Variants in MECOM observed in about 807,000 individuals in gnomAD.
MECOM encodes the protein MDS1 and EVI1 complex locus.
Under a neutral mutation model 116.3 loss-of-function variants are expected in MECOM, and 13 were observed. That is an observed-to-expected ratio of 0.11 (90% CI 0.07 to 0.18). The LOEUF is 0.18. MECOM is among the 10% of genes least tolerant of loss of function. The pLI, the probability that MECOM is intolerant of heterozygous loss-of-function variation, is 1.00. For synonymous variants in MECOM, 528 were observed against 535.2 expected (o/e 0.99, Z 0.19); for missense variants, 1,299 against 1,509.0 (o/e 0.86, Z 2.31).
chr3:169,425,933 C>A (rs1423780647), intron 1 of MECOM, among the ~76,000 whole-genome samples: 1 of 151,890 alleles, frequency 6.6e-6, no homozygotes. Flanking sequence ...GTAACAGGAT[C>A]TATACAGAAG....
At chr3:169,660,139 G>A (rs957418555) in intron 1 of MECOM, among the ~76,000 whole-genome samples, 2 of 152,150 alleles carry the variant, frequency 1.3e-5, no homozygotes, top group Non-Finnish European at 2.9e-5. Flanking sequence ...CAGGACCATA[G>A]CAACTGGCAT....
At chr3:169,243,615 C>T (rs563378728) in intron 2 of MECOM, among the ~76,000 whole-genome samples, 1 of 152,006 alleles carries the variant, frequency 6.6e-6, no homozygotes, top group African/African-American at 2.4e-5. Context: ...ATTTAATTGA[C>T]CAAAAAAATC....
chr3:169,210,736 C>T (rs1235462036), intron 2 of MECOM, among the ~76,000 whole-genome samples: 1 of 152,122 alleles, frequency 6.6e-6, no homozygotes, highest in African/African-American at 2.4e-5. Flanking sequence ...TTCCACCTCC[C>T]CAGAGAGCTC....
chr3:169,364,056 C>T (rs192056207), intron 2 of MECOM, among the ~76,000 whole-genome samples: 8 of 152,024 alleles, frequency 5.3e-5, no homozygotes, highest in Admixed American at 2.0e-4. Flanking sequence ...CTGTGGTTTA[C>T]TCTTAAGTAC....
At chr3:169,366,023 A>G (rs1254028849) in intron 2 of MECOM, among the ~76,000 whole-genome samples, 1 of 152,064 alleles carries the variant, frequency 6.6e-6, no homozygotes, top group Admixed American at 6.6e-5. Flanking sequence ...CTTCAGCTCT[A>G]CACTGCTGAC....
intron 2 of MECOM, among the ~76,000 whole-genome samples, chr3:169,154,640 G>A (rs941226416): frequency 3.3e-5 from 5 of 152,066 alleles, no homozygotes; most frequent in African/African-American, 1.2e-4. Context: ...AGTGAGTTCC[G>A]ATTGCCTAAC....
chr3:169,125,449 A>G (rs1732512717), intron 5 of MECOM, among the ~76,000 whole-genome samples: 1 of 152,100 alleles, frequency 6.6e-6, no homozygotes, highest in African/African-American at 2.4e-5. Context: ...AGCTTGGCCT[A>G]TATGTTGAGT....
intron 1 of MECOM, among the ~76,000 whole-genome samples, chr3:169,554,537 A>T (rs1410724612): frequency 6.6e-6 from 1 of 152,208 alleles, no homozygotes; most frequent in Non-Finnish European, 1.5e-5. Context: ...ATCCAAAACC[A>T]GGCAGAGGTC....
chr3:169,212,684 A>ATATG (rs1559999989), intron 2 of MECOM, among the ~76,000 whole-genome samples: 3 of 127,310 alleles, frequency 2.4e-5, no homozygotes, highest in Non-Finnish European at 4.9e-5. Context: ...ATATATATAT[A>ATATG]TGCAACAAAA....
Position 169,296,350 on chromosome 3 carries a change from A to T in MECOM, c.375+84837T>A, listed in dbSNP as rs573383904. ...AGTGAGTGGGAGTGAGAAGAGCAAG[A>T]ACGCCAAAGAAATATTCTTGGCGGC... On this transcript the variant is annotated intron_variant, in intron 2 of 16. Transcript: ENST00000651503. 3.3e-5 allele frequency among the ~76,000 whole-genome samples: 5 copies of T among 152,352 alleles called. No homozygotes were observed. In the South Asian group the frequency reaches 1.0e-3, roughly 32 times the overall value.
intron 1 of MECOM, among the ~76,000 whole-genome samples, chr3:169,388,536 A>G (rs1300125089): frequency 6.6e-6 from 1 of 152,202 alleles, no homozygotes; most frequent in Admixed American, 6.5e-5. Context: ...AAGTAGGGAA[A>G]ATGAATTTCC....
At chr3:169,578,288 A>G (rs572328774) in intron 1 of MECOM, among the ~76,000 whole-genome samples, 21 of 152,342 alleles carry the variant, frequency 1.4e-4, no homozygotes, top group Admixed American at 9.8e-4. Flanking sequence ...AAAACCTGCC[A>G]GGACTTCTTC....
chr3:169,290,529 T>C (rs1161345168), intron 2 of MECOM, among the ~76,000 whole-genome samples: 1 of 152,124 alleles, frequency 6.6e-6, no homozygotes, highest in African/African-American at 2.4e-5. Context: ...ACCTACATGA[T>C]TATGTACTTG....
chr3:169,140,570 C>T (rs932395537), intron 3 of MECOM, among the ~76,000 whole-genome samples: 3 of 151,818 alleles, frequency 2.0e-5, no homozygotes, highest in East Asian at 3.9e-4. Context: ...CCAAAAACAT[C>T]ACTGCAATAA....
chr3:169,603,216 C>G (rs1003846473), intron 1 of MECOM, among the ~76,000 whole-genome samples: 1 of 152,030 alleles, frequency 6.6e-6, no homozygotes, highest in Non-Finnish European at 1.5e-5. Flanking sequence ...CCTGCGTAGG[C>G]CTAGGCTAAT....
intron 1 of MECOM, among the ~76,000 whole-genome samples, chr3:169,649,809 C>A (rs534024772): frequency 6.6e-6 from 1 of 152,152 alleles, no homozygotes; most frequent in African/African-American, 2.4e-5. Context: ...GTAAATTAAT[C>A]CCTTAAAGAT....
chr3:169,496,806 T>C (rs1753869714), intron 1 of MECOM, among the ~76,000 whole-genome samples: 1 of 152,148 alleles, frequency 6.6e-6, no homozygotes, highest in Non-Finnish European at 1.5e-5. Flanking sequence ...AAAAAGAAAA[T>C]AATGGCTCTT....
intron 1 of MECOM, among the ~76,000 whole-genome samples, chr3:169,584,564 CAAAAA>C (rs11323716): frequency 2.8e-5 from 3 of 108,392 alleles, no homozygotes; most frequent in Admixed American, 9.3e-5. Context: ...AACTCCACCT[CAAAAA>C]AAAAAAAAAA....
Position 169,090,212 on chromosome 3 carries a change from A to C in MECOM, c.3189T>G (p.Asp1063Glu). 5 of 1,610,668 alleles carry C rather than the reference A, an allele frequency of 3.1e-6. No individual in the cohort carries two copies. The highest frequency in any genetic ancestry group is 4.2e-6 in the Non-Finnish European group (5 of 1,178,962). Residue 1063 changes from aspartate to glutamate, a missense_variant, in exon 15 of 17, where the codon GAT becomes GAG. Asp to Glu is a conservative substitution (Grantham distance 45, BLOSUM62 2). Transcript: ENST00000651503. ...EERMNGSHFK[D>E]EKALVTSQNS... is the part of the protein sequence containing the mutation. ...TTTGACTGGTCACCAAAGCCTTTTCATCTTTAAAATGACTGCCATTCATTC... is the reference window on the plus strand; with the variant it reads ...TTTGACTGGTCACCAAAGCCTTTTCCTCTTTAAAATGACTGCCATTCATTC...
Sources: allele counts gnomAD v4.1 joint callset (sites outside exome capture counted in the v4.1 genomes callset), GRCh38; gene constraint gnomAD v4.1.1; transcripts MANE v1.5; gene names NCBI Gene and HGNC (gene_info 2026-07-23, HGNC 2026-07-21).